The following GAK variants were observed in gnomAD, a reference collection of about 807,000 sequenced individuals.
GAK encodes the protein cyclin-G-associated kinase.
GAK carries 79 observed loss-of-function variants against 143.9 expected under a neutral mutation model. That is an observed-to-expected ratio of 0.55 (90% CI 0.46 to 0.66). The LOEUF (loss-of-function observed/expected upper bound fraction) is 0.66. Among genes scored for constraint, GAK ranks in the 30% least tolerant of loss-of-function variants. GAK has a pLI of 0.00. For missense variants in GAK, 1,693 were observed against 1,779.7 expected (o/e 0.95, Z 0.88); for synonymous variants, 881 against 765.5 (o/e 1.15, Z -2.49).
intron 1 of GAK, among the ~76,000 whole-genome samples, chr4:914,276 CCA>C (rs1253525178): frequency 4.3e-5 from 4 of 92,580 alleles, no homozygotes; most frequent in Admixed American, 1.1e-4. Context: ...GCGTGCACGG[CCA>C]CACACACACA....
chr4:912,876 C>G (rs1034143572), intron 2 of GAK, 82 bp from the exon 3 acceptor site: 1 of 1,193,152 alleles, frequency 8.4e-7, no homozygotes, highest in South Asian at 1.3e-5. Context: ...CAGACATAAG[C>G]ACGCAACAGA....
At chr4:865,357 G>C in intron 22 of GAK, 113 bp from the exon 23 acceptor site, 5 of 1,339,478 alleles carry the variant, frequency 3.7e-6, no homozygotes, top group Non-Finnish European at 5.2e-6. Flanking sequence ...TTGCACCCAG[G>C]CTGAGCTGAG....
chr4:912,078 AG>A (rs1253979107), intron 3 of GAK: 2 of 472,684 alleles, frequency 4.2e-6, no homozygotes, highest in African/African-American at 3.9e-5. Context: ...AGGAGGAGGC[AG>A]GGCCCTCAGG....
chr4:879,822 T>A (rs1714729004), intron 15 of GAK, among the ~76,000 whole-genome samples: 1 of 152,196 alleles, frequency 6.6e-6, no homozygotes, highest in Non-Finnish European at 1.5e-5. Flanking sequence ...TGGAGGCAGC[T>A]CTTGGGTGCT....
Position 932,071 on chromosome 4 carries a change from C to A in GAK, c.117G>T (p.Arg39=). 1 of 1,602,586 alleles carries A rather than the reference C, an allele frequency of 6.2e-7. No individual in the cohort carries two copies. The highest frequency in any genetic ancestry group is 8.5e-7 in the Non-Finnish European group (1 of 1,175,720). The change falls in exon 1 of 28, where the codon CGG becomes CGT. Residue 39 remains arginine (R), a synonymous_variant. Coordinates refer to ENST00000314167, the MANE Select transcript of GAK (RefSeq NM_005255.4). This position sits in a 1 kb window ranked among gnomAD's most constrained non-coding sequence, Gnocchi z 4.0. ...CGGCCAGGACCCGCCGCACCCGCAGCCGCAGCTCGCCCAGTTCCACCGTCT... is the reference window on the plus strand; with the variant it reads ...CGGCCAGGACCCGCCGCACCCGCAGACGCAGCTCGCCCAGTTCCACCGTCT... ...VGQTVELGEL[R]LRVRRVLAEG... is the part of the protein sequence containing the mutation.
chr4:896,399 G>T, intron 7 of GAK, 61 bp downstream of exon 7: 2 of 1,381,888 alleles, frequency 1.4e-6, no homozygotes, highest in Non-Finnish European at 2.0e-6. Flanking sequence ...GGCCCACGCC[G>T]CCTCAGGTTA....
chr4:892,292 C>G (rs1305787739), intron 9 of GAK, among the ~76,000 whole-genome samples: 1 of 152,294 alleles, frequency 6.6e-6, no homozygotes, highest in East Asian at 1.9e-4. Flanking sequence ...ATGCAGGAGC[C>G]AAGAGTCCTG....
chr4:888,810 G>A lies in GAK; in HGVS notation c.1205+37C>T, dbSNP rs147406793. 1,310 of 1,580,576 alleles carry A rather than the reference G, an allele frequency of 8.3e-4. 1 individual carries two copies. Among genetic ancestry groups the A allele is most frequent in the South Asian group, 1.1e-3 (96 of 86,464 alleles). ...GCCGGGGCTGCAGCCTGGAACGAGC[G>A]TGCGGCAGGTCCAGGGCTCTGGAGC... On this transcript the variant is annotated intron_variant, in intron 11 of 27. Coordinates refer to ENST00000314167, the MANE Select transcript of GAK (RefSeq NM_005255.4).
rs146604196 is a variant in GAK, at chr4:861,877, T to TCTCA, written c.3167-2159_3167-2156dup. Among the ~76,000 whole-genome samples, 4 of 152,230 alleles carry TCTCA rather than the reference T, an allele frequency of 2.6e-5. No individual in the cohort carries two copies. In the East Asian group the frequency reaches 7.7e-4, roughly 29 times the overall value. On this transcript the variant is annotated intron_variant, in intron 23 of 27. Transcript: ENST00000314167. Reference sequence around the variant, plus strand: ...AGCCAAAGCCTAATCCATAGCAAGGTCTCAACTCTTTCAATTCTATGAAGG... The same window carrying TCTCA: ...AGCCAAAGCCTAATCCATAGCAAGGTCTCACTCAACTCTTTCAATTCTATGAAGG...
intron 17 of GAK, among the ~76,000 whole-genome samples, 194 bp from the exon 18 acceptor site, chr4:876,803 A>G (rs776545048): frequency 3.9e-5 from 6 of 152,204 alleles, no homozygotes; most frequent in Non-Finnish European, 8.8e-5. Flanking sequence ...AGGAGAACGC[A>G]TGGGCCCACA....
Position 867,333 on chromosome 4 carries a change from C to G in GAK, c.2495G>C (p.Gly832Ala). 6 of 1,609,348 alleles carry G rather than the reference C, an allele frequency of 3.7e-6. No individual in the cohort carries two copies. Among genetic ancestry groups the G allele is most frequent in the Non-Finnish European group, 5.1e-6 (6 of 1,177,060 alleles). The change falls in exon 21 of 28, where the codon GGG becomes GCG. Residue 832 changes from glycine (G) to alanine (A), a missense_variant. This residue lies in a region of GAK where 822 missense variants were observed against 788.7 expected (regional missense o/e 1.04). Coordinates refer to ENST00000314167, the MANE Select transcript of GAK (RefSeq NM_005255.4). ...GCCCTCGCTGGAGATCGGGGATCCC[C>G]CTTCATCTGACACCTCACTCTCGTC... Reference protein sequence around the residue: ...DRDESEVSDEGGSPISSEGQE... With the variant: ...DRDESEVSDEAGSPISSEGQE...
intron 5 of GAK, among the ~76,000 whole-genome samples, chr4:901,801 C>T (rs965321716): frequency 4.6e-5 from 7 of 152,216 alleles, no homozygotes; most frequent in African/African-American, 1.7e-4. Context: ...CTCCACAAGC[C>T]GTGGCCAGAG....
chr4:876,487 G>A, intron 18 of GAK, 43 bp downstream of exon 18: 1 of 1,555,712 alleles, frequency 6.4e-7, no homozygotes, highest in Admixed American at 1.7e-5. Flanking sequence ...TGCGGCACAG[G>A]GCACCTGTCC....
At chr4:909,095 C>T (rs955376942) in intron 4 of GAK, among the ~76,000 whole-genome samples, 3 of 152,262 alleles carry the variant, frequency 2.0e-5, no homozygotes, top group Admixed American at 1.3e-4. Flanking sequence ...GATGCACCCG[C>T]CTCGGCCTCC....
At chr4:877,456 T>C (rs1412422269) in intron 16 of GAK, among the ~76,000 whole-genome samples, 159 bp downstream of exon 16, 1 of 152,196 alleles carries the variant, frequency 6.6e-6, no homozygotes, top group Non-Finnish European at 1.5e-5. Flanking sequence ...GACCTCCTGC[T>C]GCTGACCAGG....
chr4:889,261 G>A (rs1310152597), intron 10 of GAK, among the ~76,000 whole-genome samples: 4 of 152,218 alleles, frequency 2.6e-5, no homozygotes, highest in Admixed American at 6.5e-5. Context: ...ATCTGGGTGC[G>A]GAAGGGCTAT....
intron 1 of GAK, among the ~76,000 whole-genome samples, chr4:926,812 T>TCACCAGCGC (rs1420588812): frequency 6.6e-6 from 1 of 151,820 alleles, no homozygotes; most frequent in African/African-American, 2.4e-5. Flanking sequence ...GAGACCCTGC[T>TCACCAGCGC]TACCTGCGCT....
chr4:849,836 C>CA lies in GAK; in HGVS notation c.3834+55_3834+56insT, dbSNP rs1412087808. ...CATGCGGGGGCGGGCGGGGCAGGAC[C>CA]CCCCCCCCGCCCCGCCCCTGAAGGC... On this transcript the variant is annotated intron_variant, in intron 27 of 27. Transcript: ENST00000314167. 2.8e-5 allele frequency: 26 copies of CA among 944,666 alleles called. No individual in the cohort carries two copies. The African/African-American group carries it at 5.4e-4, about 20-fold the overall frequency. 58.5% of individuals were successfully genotyped at this position (944,666 alleles called of 1,614,324 possible).
At chr4:876,479 C>T (rs374755261) in intron 18 of GAK, 51 bp downstream of exon 18, 130 of 1,497,044 alleles carry the variant, frequency 8.7e-5, no homozygotes, top group Middle Eastern at 1.7e-4. Flanking sequence ...GCAGGTGCTG[C>T]GGCACAGGGC....
Sources: allele counts gnomAD v4.1 joint callset (sites outside exome capture counted in the v4.1 genomes callset), GRCh38; gene constraint gnomAD v4.1.1; regional missense constraint gnomAD v4.1.1; non-coding constraint Gnocchi (gnomAD v3.1); transcripts MANE v1.5; gene names NCBI Gene and HGNC (gene_info 2026-07-23, HGNC 2026-07-21).